Variants in PCDHA8 observed in about 807,000 individuals in gnomAD.
PCDHA8 encodes the protein protocadherin alpha-8.
In PCDHA8, 53 loss-of-function variants were observed where a neutral mutation model predicts 61.8. The observed-to-expected ratio is 0.86, with a 90% CI of 0.69 to 1.08. The LOEUF is 1.08. Among genes scored for constraint, PCDHA8 ranks in the 50% least tolerant of loss-of-function variants. The probability of loss-of-function intolerance (pLI) is 0.00; values close to 1 mark genes in which losing one functional copy is unlikely to be tolerated. For missense variants in PCDHA8, 1,293 were observed against 1,245.0 expected, an observed-to-expected ratio of 1.04 and a Z score of -0.58; for synonymous variants, 618 against 556.6, an observed-to-expected ratio of 1.11 and a Z score of -1.55.
chr5:140,845,723 T>A (rs1461937173), intron 1 of PCDHA8, among the ~76,000 whole-genome samples: 7 of 149,666 alleles, frequency 4.7e-5, no homozygotes, highest in African/African-American at 1.5e-4. Context: ...GCATGATAAA[T>A]GTGAATTCTA....
At chr5:140,983,992 C>A (rs2097080247) in intron 3 of PCDHA8, among the ~76,000 whole-genome samples, 1 of 152,200 alleles carries the variant, frequency 6.6e-6, no homozygotes, top group Non-Finnish European at 1.5e-5. Flanking sequence ...TGAAGCAATT[C>A]ATTAGAGAGC....
At chr5:140,967,710 G>A (rs868978149) in intron 1 of PCDHA8, 1 of 1,614,182 alleles carries the variant, frequency 6.2e-7, no homozygotes, top group Non-Finnish European at 8.5e-7. Flanking sequence ...GCCAGTACCG[G>A]GGAAGTGCGA....
chr5:140,882,307 A>G (rs2153383804), intron 1 of PCDHA8: 1 of 1,613,900 alleles, frequency 6.2e-7, no homozygotes, highest in South Asian at 1.1e-5. Context: ...GACCGCGGCA[A>G]CTACTGCTCT....
At chr5:141,000,395 CTATATATA>C (rs1190667031) in intron 3 of PCDHA8, among the ~76,000 whole-genome samples, 7 of 53,980 alleles carry the variant, frequency 1.3e-4, no homozygotes, top group South Asian at 8.9e-4. Flanking sequence ...CTCTCTCTCT[CTATATATA>C]TATATATATA....
intron 3 of PCDHA8, among the ~76,000 whole-genome samples, chr5:140,997,115 C>A (rs537421169): frequency 9.2e-5 from 14 of 152,116 alleles, no homozygotes; most frequent in Non-Finnish European, 1.6e-4. Flanking sequence ...TCCTGCTCTC[C>A]CACATACACA....
At position 140,903,777 on chromosome 5, in the gene PCDHA8, T is replaced by C. The variant is rs80247548; in HGVS notation, c.2394+60062T>C. On this transcript the variant is annotated intron_variant, in intron 1 of 3. Transcript: ENST00000531613. ...GATTTTTGCTGAACTTTTCTATCCA[T>C]AAACTATCTATGGTTGTAATTGACA... 8.0e-3 allele frequency among the ~76,000 whole-genome samples: 1,216 copies of C among 152,334 alleles called. 6 individuals are homozygous for C. The highest frequency in any genetic ancestry group is 0.019 in the African/African-American group (784 of 41,582).
At chr5:140,984,227 T>C (rs571404372) in intron 3 of PCDHA8, among the ~76,000 whole-genome samples, 1 of 152,336 alleles carries the variant, frequency 6.6e-6, no homozygotes, top group Admixed American at 6.5e-5. Context: ...CTTGCTCTTA[T>C]GGAGGCATTG....
intron 1 of PCDHA8, chr5:140,877,774 G>T (rs782686661): frequency 1.2e-6 from 2 of 1,614,176 alleles, no homozygotes; most frequent in South Asian, 2.2e-5. Context: ...GCCCAAGACG[G>T]ACCTCATGGC....
chr5:141,002,923 C>T (rs1261794185), intron 3 of PCDHA8, among the ~76,000 whole-genome samples: 6 of 152,220 alleles, frequency 3.9e-5, no homozygotes, highest in African/African-American at 1.2e-4. Flanking sequence ...AAAGTGAACA[C>T]CCTCCAACAC....
chr5:140,963,021 G>A (rs2095729854), intron 1 of PCDHA8, among the ~76,000 whole-genome samples: 1 of 152,150 alleles, frequency 6.6e-6, no homozygotes, highest in Non-Finnish European at 1.5e-5. Flanking sequence ...AGAAAATGAA[G>A]CAATTAACAT....
At chr5:140,857,676 C>T (rs1178476676) in intron 1 of PCDHA8, 1 of 1,596,974 alleles carries the variant, frequency 6.3e-7, no homozygotes, top group Non-Finnish European at 8.6e-7. Context: ...GGCGTGCCGC[C>T]TCTGGGCAGC....
In PCDHA8 at chr5:140,842,746, C is replaced by T; in HGVS notation, c.1425C>T (p.Phe475=). ...KENNPPGCHI[F]TVSARDADAQ... ...ACAACCCGCCGGGCTGCCACATCTT[C>T]ACGGTGTCTGCGCGAGACGCGGACG... is the stretch of plus-strand genomic sequence containing the variant. The change falls in exon 1 of 4, where the codon TTC becomes TTT. Residue 475 remains phenylalanine (F), a synonymous_variant. Transcript: ENST00000531613. 1 of 1,595,086 alleles carries T rather than the reference C, an allele frequency of 6.3e-7. No individual in the cohort carries two copies. The highest frequency in any genetic ancestry group is 1.1e-5 in the South Asian group (1 of 90,482).
At chr5:140,882,150 C>A in intron 1 of PCDHA8, 1 of 1,501,768 alleles carries the variant, frequency 6.7e-7, no homozygotes, top group Non-Finnish European at 8.9e-7. Context: ...TAGCAGAAAG[C>A]GGAATACCTC....
intron 3 of PCDHA8, among the ~76,000 whole-genome samples, chr5:140,998,062 C>T (rs2097795439): frequency 6.6e-6 from 1 of 152,176 alleles, no homozygotes; most frequent in African/African-American, 2.4e-5. Flanking sequence ...TCATCATCAA[C>T]AGACTTAGCC....
chr5:140,926,373 G>A (rs1040164585), intron 1 of PCDHA8: 3 of 152,370 alleles, frequency 2.0e-5, no homozygotes, highest in African/African-American at 4.8e-5. Context: ...GGCAGGAAGA[G>A]CCCAGCTGGG....
In PCDHA8 at chr5:140,876,240, A is replaced by G. The variant is rs375639572; in HGVS notation, c.2394+32525A>G. 7.0e-5 allele frequency: 113 copies of G among 1,613,906 alleles called. No homozygotes were observed. The highest frequency in any genetic ancestry group is 8.3e-5 in the Admixed American group (5 of 60,008). Reference sequence around the variant, plus strand: ...AAGTAGTGTTGTCTGAAAATGTCCAAAACGACACAAGAGTGATCCAACTAA... The same window carrying G: ...AAGTAGTGTTGTCTGAAAATGTCCAGAACGACACAAGAGTGATCCAACTAA... On this transcript the variant is annotated intron_variant, in intron 1 of 3. Coordinates refer to ENST00000531613, the MANE Select transcript of PCDHA8 (RefSeq NM_018911.3).
intron 1 of PCDHA8, among the ~76,000 whole-genome samples, chr5:140,926,169 G>C (rs1212199081): frequency 6.6e-6 from 1 of 151,734 alleles, no homozygotes; most frequent in Non-Finnish European, 1.5e-5. Flanking sequence ...GCAGGATCCA[G>C]CGCGGAAAGC....
At chr5:140,854,577 T>A (rs1402971625) in intron 1 of PCDHA8, 1 of 149,930 alleles carries the variant, frequency 6.7e-6, no homozygotes, top group African/African-American at 2.4e-5. Context: ...TCATTCAGAT[T>A]TTAATAAAAA....
intron 1 of PCDHA8, among the ~76,000 whole-genome samples, chr5:140,971,300 A>T (rs555201828): frequency 2.0e-5 from 3 of 152,380 alleles, no homozygotes; most frequent in African/African-American, 7.2e-5. Flanking sequence ...ACTTTGGTAC[A>T]CAAACATTTA....
Sources: allele counts gnomAD v4.1 joint callset (sites outside exome capture counted in the v4.1 genomes callset), GRCh38; gene constraint gnomAD v4.1.1; transcripts MANE v1.5; gene names NCBI Gene and HGNC (gene_info 2026-07-23, HGNC 2026-07-21).